RBFOX1: variants seen among roughly 807,000 people sequenced by gnomAD.
RBFOX1 encodes RNA binding protein fox-1 homolog 1.
In RBFOX1, 8 loss-of-function variants were observed where a neutral mutation model predicts 57.7. The ratio of observed to expected loss-of-function variants is 0.14; its 90% CI spans 0.08 to 0.25. The LOEUF (loss-of-function observed/expected upper bound fraction) is 0.25. Among genes scored for constraint, RBFOX1 ranks in the 10% least tolerant of loss-of-function variants. The pLI, the probability that RBFOX1 is intolerant of heterozygous loss-of-function variation, is 1.00. For synonymous variants in RBFOX1, 326 were observed against 222.4 expected, an observed-to-expected ratio of 1.47 and a Z score of -4.15; for missense variants, 611 against 548.5, an observed-to-expected ratio of 1.11 and a Z score of -1.14.
At chr16:6,997,618 A>C (rs1596455525) in intron 3 of RBFOX1, among the ~76,000 whole-genome samples, 1 of 152,164 alleles carries the variant, frequency 6.6e-6, no homozygotes, top group Non-Finnish European at 1.5e-5. Context: ...AACATACCAT[A>C]ATTATTGCTT....
intron 4 of RBFOX1, among the ~76,000 whole-genome samples, chr16:7,281,764 T>A (rs2095548351): frequency 6.6e-6 from 1 of 152,168 alleles, no homozygotes; most frequent in African/African-American, 2.4e-5. Flanking sequence ...TGCTTGAGTT[T>A]GAATCCAGGA....
At chr16:6,329,185 C>T (rs2082716874) in intron 2 of RBFOX1, among the ~76,000 whole-genome samples, 1 of 152,134 alleles carries the variant, frequency 6.6e-6, no homozygotes, top group Non-Finnish European at 1.5e-5. Context: ...AAGTGGAAAG[C>T]AGTTGTTGTT....
chr16:7,337,362 G>T (rs555026534), intron 4 of RBFOX1, among the ~76,000 whole-genome samples: 1 of 152,176 alleles, frequency 6.6e-6, no homozygotes, highest in Non-Finnish European at 1.5e-5. Flanking sequence ...GAGTTGGGCT[G>T]TGAAGCATTA....
chr16:7,641,691 G>A (rs560554691), intron 11 of RBFOX1, among the ~76,000 whole-genome samples: 1 of 152,240 alleles, frequency 6.6e-6, no homozygotes, highest in South Asian at 2.1e-4. Context: ...CCCACTAGTG[G>A]TTTTACAGCA....
chr16:6,786,763 A>G (rs1648092076), intron 3 of RBFOX1, among the ~76,000 whole-genome samples: 1 of 152,152 alleles, frequency 6.6e-6, no homozygotes, highest in Non-Finnish European at 1.5e-5. Flanking sequence ...AGATACTTAA[A>G]GAAACTCCAC....
chr16:6,825,213 C>A (rs1008381065), intron 3 of RBFOX1, among the ~76,000 whole-genome samples: 1 of 150,302 alleles, frequency 6.7e-6, no homozygotes, highest in East Asian at 2.0e-4. Context: ...TTTTGGGAGG[C>A]TGCTTAGCAA....
intron 1 of RBFOX1, among the ~76,000 whole-genome samples, chr16:6,135,689 C>T (rs2096661459): frequency 6.6e-6 from 1 of 150,500 alleles, no homozygotes; most frequent in African/African-American, 2.5e-5. Context: ...AATGACTAAT[C>T]ATAAGGAATA....
intron 2 of RBFOX1, among the ~76,000 whole-genome samples, chr16:6,352,954 G>A (rs2086664807): frequency 6.6e-6 from 1 of 152,072 alleles, no homozygotes; most frequent in Non-Finnish European, 1.5e-5. Flanking sequence ...CATTTGCTTT[G>A]GGGCATGAGA....
chr16:7,056,876 G>T (rs575169941), intron 4 of RBFOX1, among the ~76,000 whole-genome samples: 1 of 152,254 alleles, frequency 6.6e-6, no homozygotes, highest in East Asian at 1.9e-4. Context: ...AGGAAGGGTG[G>T]TTAGGGCTGG....
chr16:6,863,725 C>CTTTTTTTTTTTTTTTTTTTT lies in RBFOX1; in HGVS notation c.-15-188324_-15-188305dup, dbSNP rs71408412. ...CGGAAGCACAAATTGGATGCCTGCG[C>CTTTTTTTTTTTTTTTTTTTT]TTTTTTTTTTTTTTTTTTTTTTTTT... On this transcript the variant is annotated intron_variant, in intron 3 of 15. Transcript: ENST00000550418. 4.3e-3 allele frequency among the ~76,000 whole-genome samples: 291 copies of CTTTTTTTTTTTTTTTTTTTT among 67,746 alleles called. 38 individuals carry two copies. The highest frequency in any genetic ancestry group is 0.013 in the Middle Eastern group (1 of 80). 44.4% of individuals were successfully genotyped at this position (67,746 alleles called of 152,430 possible).
At chr16:7,620,636 T>C (rs1452463228) in intron 10 of RBFOX1, among the ~76,000 whole-genome samples, 1 of 152,184 alleles carries the variant, frequency 6.6e-6, no homozygotes, top group Non-Finnish European at 1.5e-5. Context: ...TCCTGCCAGA[T>C]GGCAGCTTCG....
chr16:5,427,934 C>G (rs1397029944), intron 1 of RBFOX1, among the ~76,000 whole-genome samples: 1 of 152,206 alleles, frequency 6.6e-6, no homozygotes, highest in Non-Finnish European at 1.5e-5. Flanking sequence ...TTAACCATCA[C>G]AGGTAGAGTC....
chr16:7,225,530 A>G (rs1319499561), intron 4 of RBFOX1, among the ~76,000 whole-genome samples: 1 of 151,750 alleles, frequency 6.6e-6, no homozygotes. Flanking sequence ...ATAAATTACC[A>G]GTCTCAAGTA....
chr16:5,679,689 G>C (rs2050271099), intron 3 of RBFOX1, among the ~76,000 whole-genome samples: 1 of 152,070 alleles, frequency 6.6e-6, no homozygotes, highest in African/African-American at 2.4e-5. Flanking sequence ...ATTATTACCT[G>C]GTAATGAACT....
chr16:6,349,040 C>T (rs1289467600), intron 2 of RBFOX1, among the ~76,000 whole-genome samples: 1 of 152,170 alleles, frequency 6.6e-6, no homozygotes, highest in African/African-American at 2.4e-5. Flanking sequence ...CAGCAGACTT[C>T]TTCATGGAAA....
intron 1 of RBFOX1, among the ~76,000 whole-genome samples, chr16:6,028,468 T>C (rs1267193105): frequency 1.4e-5 from 2 of 141,272 alleles, no homozygotes; most frequent in Non-Finnish European, 3.0e-5. Flanking sequence ...AGCCAGGAGT[T>C]GGAGACCAGC....
intron 4 of RBFOX1, among the ~76,000 whole-genome samples, chr16:7,359,187 C>T (rs544608382): frequency 1.3e-5 from 2 of 152,156 alleles, no homozygotes; most frequent in Non-Finnish European, 2.9e-5. Context: ...TGTCTCAGAA[C>T]CTCTCTTATC....
intron 1 of RBFOX1, among the ~76,000 whole-genome samples, chr16:5,288,434 C>T (rs201435013): frequency 2.9e-4 from 42 of 143,386 alleles, no homozygotes; most frequent in African/African-American, 8.0e-4. Flanking sequence ...ATTAAATAGT[C>T]TTCCCCAGAC....
intron 4 of RBFOX1, among the ~76,000 whole-genome samples, chr16:7,439,158 G>A (rs1283571277): frequency 6.6e-6 from 1 of 152,114 alleles, no homozygotes; most frequent in Non-Finnish European, 1.5e-5. Context: ...TCTTCTTTAC[G>A]CAGGCCTTCG....
Sources: allele counts gnomAD v4.1 joint callset (sites outside exome capture counted in the v4.1 genomes callset), GRCh38; gene constraint gnomAD v4.1.1; transcripts MANE v1.5; gene names NCBI Gene and HGNC (gene_info 2026-07-23, HGNC 2026-07-21).